Variants in C1QTNF9B observed in about 807,000 individuals in gnomAD.
The protein encoded by C1QTNF9B is complement C1q and tumor necrosis factor-related protein 9B.
C1QTNF9B carries 9 observed loss-of-function variants against 10.1 expected under a neutral mutation model. The ratio of observed to expected loss-of-function variants is 0.89; its 90% CI spans 0.53 to 1.55. The LOEUF (loss-of-function observed/expected upper bound fraction) is 1.55. C1QTNF9B is among the 40% of genes most tolerant of loss of function. The probability of loss-of-function intolerance (pLI) is 0.00; values close to 1 mark genes in which losing one functional copy is unlikely to be tolerated. For synonymous variants in C1QTNF9B, 79 were observed against 159.9 expected (o/e 0.49, Z 3.82); for missense variants, 196 against 414.4 (o/e 0.47, Z 4.58).
chr13:23,896,936 T>G (rs774476476), exon 1 of C1QTNF9B: 10 of 1,614,046 alleles, frequency 6.2e-6, no homozygotes, highest in Non-Finnish European at 7.6e-6. Flanking sequence ...CCTGTGAGTT[T>G]ATGTTCCCTG....
At chr13:23,892,226 C>T (rs1872028920) in intron 2 of C1QTNF9B, 165 bp from the exon 5 acceptor site, 3 of 1,335,242 alleles carry the variant, frequency 2.2e-6, no homozygotes, top group African/African-American at 1.5e-5. Flanking sequence ...CGGTGGCTCA[C>T]ACCTGTAATC....
Position 23,896,677 on chromosome 13 carries a change from G to A in C1QTNF9B, c.166+144C>T. On this transcript the variant is annotated intron_variant, in intron 1 of 2. Transcript: ENST00000382137. ...GGGCAGATGGGTGGATGGATGAATG[G>A]GGTCAGGCTCCAGTGAATGTTGCTG... 3.5e-6 allele frequency: 4 copies of A among 1,138,414 alleles called. No homozygotes were observed. The South Asian group carries it at 6.2e-5, about 18-fold the overall frequency. The allele number at this position is 1,138,414 out of a possible 1,614,324, so 70.5% of individuals were successfully genotyped here. A position where few individuals can be genotyped will look rare whatever the true frequency, so the allele number is the denominator to read the frequency against.
exon 1 of C1QTNF9B, chr13:23,896,964 A>G: frequency 6.2e-7 from 1 of 1,613,868 alleles, no homozygotes; most frequent in Non-Finnish European, 8.5e-7. Flanking sequence ...TTCAATGGCA[A>G]GCAGAAGCCA....
chr13:23,891,559 G>A (rs1566033728), exon 3 of C1QTNF9B: 1 of 1,606,114 alleles, frequency 6.2e-7, no homozygotes, highest in African/African-American at 1.4e-5. Flanking sequence ...CCCCAGCAAT[G>A]TGGCACGTGA....
In C1QTNF9B at chr13:23,894,084, A is replaced by G. The variant is rs901576783; in HGVS notation, c.229+55T>C. 11 of 1,347,232 alleles carry G rather than the reference A, an allele frequency of 8.2e-6. No homozygotes were observed. In the African/African-American group the frequency reaches 1.3e-4, roughly 16 times the overall value. 83.5% of individuals were successfully genotyped at this position (1,347,232 alleles called of 1,614,324 possible). A position where few individuals can be genotyped will look rare whatever the true frequency, so the allele number is the denominator to read the frequency against. ...GCATGGAGGACTTGTCCATGGTAAT[A>G]TTGTTAAATAGTCGACAGCTCAGAA... On this transcript the variant is annotated intron_variant, in intron 2 of 2. Transcript: ENST00000382137.
At position 23,891,451 on chromosome 13, in the gene C1QTNF9B, G is replaced by C. The variant is rs763054252; in HGVS notation, c.840C>G (p.Tyr280Ter). 3 of 1,581,942 alleles carry C rather than the reference G, an allele frequency of 1.9e-6. No individual in the cohort carries two copies. The highest frequency in any genetic ancestry group is 2.2e-5 in the East Asian group (1 of 44,876). Residue 280 changes from tyrosine to a stop codon, truncating the protein, a stop_gained, in exon 3 of 3, where the codon TAC (tyrosine) becomes TAG (stop). Coordinates refer to ENST00000382137, the Ensembl canonical transcript of C1QTNF9B. LOFTEE classifies it high-confidence loss of function. Reference sequence around the variant, plus strand: ...CAGAGGCCTGGTCCTCAGAGCTCACGTAAGCATCTCTGGTGTGCAGTATTT... The same window carrying C: ...CAGAGGCCTGGTCCTCAGAGCTCACCTAAGCATCTCTGGTGTGCAGTATTT...
chr13:23,895,076 C>T (rs1256216445), intron 1 of C1QTNF9B, among the ~76,000 whole-genome samples: 2 of 152,108 alleles, frequency 1.3e-5, no homozygotes, highest in Non-Finnish European at 2.9e-5. Flanking sequence ...GGGACACCAG[C>T]GCTCCTGAGT....
In C1QTNF9B at chr13:23,896,817, G is replaced by A. The variant is rs1444581247; in HGVS notation, c.166+4C>T. On this transcript the variant is annotated splice_donor_region_variant and intron_variant, in intron 1 of 2. Coordinates refer to ENST00000382137, the Ensembl canonical transcript of C1QTNF9B. Reference sequence around the variant, plus strand: ...AAAGGCAGCCGAAGCCGTCAGGTGAGTACCTGCATCGCCTTTGTCACCCTT... The same window carrying A: ...AAAGGCAGCCGAAGCCGTCAGGTGAATACCTGCATCGCCTTTGTCACCCTT... The A allele has an allele frequency of 2.5e-6, 4 of 1,612,818 alleles. No homozygotes were observed. The highest frequency in any genetic ancestry group is 3.3e-4 in the Middle Eastern group (2 of 6,056).
intron 2 of C1QTNF9B, among the ~76,000 whole-genome samples, chr13:23,893,314 T>A (rs1371016851): frequency 1.3e-5 from 2 of 152,146 alleles, no homozygotes; most frequent in Non-Finnish European, 2.9e-5. Context: ...TAGTGCCACC[T>A]CCTCCATGCA....
At chr13:23,895,305 C>T (rs1309943817) in intron 1 of C1QTNF9B, among the ~76,000 whole-genome samples, 1 of 152,004 alleles carries the variant, frequency 6.6e-6, no homozygotes, top group Non-Finnish European at 1.5e-5. Context: ...AGCATGAACA[C>T]AGACCCCAAT....
chr13:23,891,986 G>A (rs747892890), exon 3 of C1QTNF9B: 1 of 1,614,058 alleles, frequency 6.2e-7, no homozygotes, highest in South Asian at 1.1e-5. Flanking sequence ...AAGCCCCTTG[G>A]GGCCATGTTT....
upstream of C1QTNF9B, chr13:23,897,128 A>C: frequency 8.3e-7 from 1 of 1,205,118 alleles, no homozygotes; most frequent in African/African-American, 1.5e-5. Flanking sequence ...ACACCTGGAC[A>C]GACTTGGCAG....
At position 23,893,059 on chromosome 13, in the gene C1QTNF9B, C is replaced by T. The variant is rs1872072142; in HGVS notation, c.230-998G>A. Among the ~76,000 whole-genome samples the T allele has an allele frequency of 2.6e-5, 4 of 152,188 alleles. No homozygotes were observed. The South Asian group carries it at 8.3e-4, about 32-fold the overall frequency. ...TTGCACCCCCACCCATACCAAAGAGCCGTCGTTGCAAGTGTGGACTCTGAG... is the reference window on the plus strand; with the variant it reads ...TTGCACCCCCACCCATACCAAAGAGTCGTCGTTGCAAGTGTGGACTCTGAG... On this transcript the variant is annotated intron_variant, in intron 2 of 2. Coordinates refer to ENST00000382137, the Ensembl canonical transcript of C1QTNF9B.
At chr13:23,895,154 TCCCCTTCCCTCCCCTCTACTGGCTGCTCC>T (rs1872152190) in intron 1 of C1QTNF9B, among the ~76,000 whole-genome samples, 1 of 151,834 alleles carries the variant, frequency 6.6e-6, no homozygotes, top group South Asian at 2.1e-4. Context: ...CTCCCTGCGC[TCCCCTTCCCTCCCCTCTACTGGCTGCTCC>T]CCTGTGTCTT....
chr13:23,896,226 G>A (rs9580775), intron 1 of C1QTNF9B, among the ~76,000 whole-genome samples: 5,726 of 152,270 alleles, frequency 0.038, 357 homozygotes, highest in African/African-American at 0.13. Flanking sequence ...ATTGGTTGTT[G>A]TTATGGAAAG....
At chr13:23,891,480 C>G (rs759713869) in exon 3 of C1QTNF9B, 1 of 1,589,862 alleles carries the variant, frequency 6.3e-7, no homozygotes, top group Non-Finnish European at 8.6e-7. Flanking sequence ...AGTATTTTTA[C>G]TCCGTTTTTG....
At chr13:23,892,391 A>G (rs1162934952) in intron 2 of C1QTNF9B, among the ~76,000 whole-genome samples, 2 of 152,252 alleles carry the variant, frequency 1.3e-5, no homozygotes, top group African/African-American at 2.4e-5. Context: ...TCAGTGGCTT[A>G]TGCCTGTAAT....
intron 1 of C1QTNF9B, among the ~76,000 whole-genome samples, chr13:23,895,623 T>C (rs946317516): frequency 3.3e-5 from 5 of 152,312 alleles, no homozygotes; most frequent in African/African-American, 9.6e-5. Flanking sequence ...GTATTGAATA[T>C]AGAAGTGTTT....
chr13:23,896,735 G>C lies in C1QTNF9B; in HGVS notation c.166+86C>G, dbSNP rs1279661522. ...GGATGGATGGGTTGTGAGTGGGTAG[G>C]TGGAAAACCACACAGATGATGAGTG... is the stretch of plus-strand genomic sequence containing the variant. On this transcript the variant is annotated intron_variant, in intron 1 of 2. Coordinates refer to ENST00000382137, the Ensembl canonical transcript of C1QTNF9B. The C allele has an allele frequency of 4.5e-6, 7 of 1,571,132 alleles. No homozygotes were observed. In the Admixed American group the frequency reaches 1.0e-4, roughly 23 times the overall value.
Sources: allele counts gnomAD v4.1 joint callset (sites outside exome capture counted in the v4.1 genomes callset), GRCh38; gene constraint gnomAD v4.1.1; transcripts MANE v1.5; gene names NCBI Gene and HGNC (gene_info 2026-07-23, HGNC 2026-07-21).